TMCO6: variants seen among roughly 807,000 people sequenced by gnomAD.
TMCO6 encodes the protein transmembrane and coiled-coil domain-containing protein 6.
In TMCO6, 47 loss-of-function variants were observed where a neutral mutation model predicts 61.8. That is an observed-to-expected ratio of 0.76 (90% CI 0.60 to 0.97). TMCO6 has a LOEUF of 0.97. TMCO6 is among the 50% of genes least tolerant of loss of function. The pLI is 0.00. For synonymous variants in TMCO6, 261 were observed against 254.2 expected (o/e 1.03, Z -0.25); for missense variants, 557 against 601.6 (o/e 0.93, Z 0.78).
intron 10 of TMCO6, among the ~76,000 whole-genome samples, 182 bp from the exon 11 acceptor site, chr5:140,644,391 A>G (rs1757257690): frequency 6.6e-6 from 1 of 152,232 alleles, no homozygotes; most frequent in Non-Finnish European, 1.5e-5. Flanking sequence ...CTTAAGCTTC[A>G]GTCTCCTCAC....
chr5:140,646,959 T>C (rs1757438526), downstream of TMCO6: 1 of 314,796 alleles, frequency 3.2e-6, no homozygotes, highest in Non-Finnish European at 5.9e-6. Context: ...ACACGTTATT[T>C]GGAGAAACTA....
the TMCO6 span, among the ~76,000 whole-genome samples, chr5:140,622,930 C>CTGGT: frequency 6.6e-6 from 1 of 152,068 alleles, no homozygotes; most frequent in Non-Finnish European, 1.5e-5. Context: ...GTTGCCCAGG[C>CTGGT]TGGTCTCGAA....
upstream of TMCO6, among the ~76,000 whole-genome samples, chr5:140,638,067 C>G (rs1756818517): frequency 6.6e-6 from 1 of 151,888 alleles, no homozygotes; most frequent in Non-Finnish European, 1.5e-5. Context: ...AACACTCGAA[C>G]AAAGGATTAT....
the TMCO6 span, among the ~76,000 whole-genome samples, chr5:140,599,078 G>A: frequency 2.0e-5 from 3 of 152,152 alleles, no homozygotes; most frequent in Admixed American, 6.5e-5. Context: ...TGTGCCCCAG[G>A]GCCACCTGCA....
chr5:140,633,347 T>C, the TMCO6 span: 2 of 577,754 alleles, frequency 3.5e-6, no homozygotes, highest in East Asian at 3.0e-5. Context: ...ACAGGAAGGA[T>C]TCTGCAGGGC....
the TMCO6 span, chr5:140,631,701 A>G: frequency 5.4e-5 from 38 of 710,160 alleles, no homozygotes; most frequent in Non-Finnish European, 8.6e-5. Context: ...CAGACATCCA[A>G]TAAAGGTCTG....
chr5:140,641,834 A>G lies in TMCO6; in HGVS notation c.315-36A>G, dbSNP rs148056475. 3,660 of 1,614,150 alleles carry G rather than the reference A, an allele frequency of 2.3e-3. 15 individuals are homozygous for G. Among genetic ancestry groups the G allele is most frequent in the Middle Eastern group, 0.011 (65 of 6,060 alleles). On this transcript the variant is annotated intron_variant, in intron 3 of 11. Coordinates refer to ENST00000394671, the MANE Select transcript of TMCO6 (RefSeq NM_018502.5). ...GAGTTGGGGCTCTGAGGGATGGACC[A>G]CAAGCTAAGCAGGGCTCTGGTACTC...
chr5:140,607,804 T>TTG, the TMCO6 span, among the ~76,000 whole-genome samples: 10 of 151,352 alleles, frequency 6.6e-5, no homozygotes, highest in Non-Finnish European at 1.5e-4. Context: ...TTTTTTTTTT[T>TTG]TCTGAGACAG....
In TMCO6 at chr5:140,643,660, T is replaced by C. The variant is rs370006867; in HGVS notation, c.903T>C (p.Asp301=). 1.2e-6 allele frequency: 2 copies of C among 1,613,064 alleles called. No individual in the cohort carries two copies. Among genetic ancestry groups the C allele is most frequent in the East Asian group, 2.2e-5 (1 of 44,874 alleles). Residue 301 remains aspartate, a synonymous_variant, in exon 8 of 12, where the codon GAT becomes GAC. Coordinates refer to ENST00000394671, the MANE Select transcript of TMCO6 (RefSeq NM_018502.5). ...DLAGAVQKTE[D]AGLELLACPV... ...CTGGGGCTGTCCAGAAAACCGAGGATGCAGGACTGGAGCTGGTAGGTGAAG... is the reference window on the plus strand; with the variant it reads ...CTGGGGCTGTCCAGAAAACCGAGGACGCAGGACTGGAGCTGGTAGGTGAAG...
chr5:140,644,524 T>G (rs894512912), intron 10 of TMCO6, 49 bp from the exon 11 acceptor site: 100 of 1,595,200 alleles, frequency 6.3e-5, no homozygotes, highest in Middle Eastern at 3.4e-4. Context: ...GCTATTGTTA[T>G]GATCTTTGTG....
At chr5:140,633,196 A>G in the TMCO6 span, 1 of 1,206,986 alleles carries the variant, frequency 8.3e-7, no homozygotes, top group Non-Finnish European at 1.2e-6. Context: ...GCTGCCTCTG[A>G]CAGTTTATGT....
At chr5:140,620,711 G>T in the TMCO6 span, among the ~76,000 whole-genome samples, 2 of 152,146 alleles carry the variant, frequency 1.3e-5, no homozygotes, top group Non-Finnish European at 2.9e-5. Context: ...GTCTTAATGG[G>T]TGTATGTGTG....
the TMCO6 span, among the ~76,000 whole-genome samples, chr5:140,615,503 A>G: frequency 6.6e-6 from 1 of 152,208 alleles, no homozygotes; most frequent in South Asian, 2.1e-4. Context: ...GGGAAAAAAA[A>G]GAACCAAGTT....
chr5:140,610,186 TAAAAAA>T, the TMCO6 span, among the ~76,000 whole-genome samples: 1 of 70,728 alleles, frequency 1.4e-5, no homozygotes, highest in Non-Finnish European at 2.6e-5. Context: ...CCATTTCTAC[TAAAAAA>T]AAAAAAAAAA....
chr5:140,607,205 C>T, the TMCO6 span, among the ~76,000 whole-genome samples: 1 of 152,144 alleles, frequency 6.6e-6, no homozygotes, highest in African/African-American at 2.4e-5. Context: ...TGTCTCCTCT[C>T]CCTCTAGAAC....
At chr5:140,627,657 T>A in the TMCO6 span, among the ~76,000 whole-genome samples, 1 of 152,164 alleles carries the variant, frequency 6.6e-6, no homozygotes, top group African/African-American at 2.4e-5. Context: ...ACACAACATA[T>A]GTAAATAGAC....
chr5:140,602,847 C>T, the TMCO6 span, among the ~76,000 whole-genome samples: 2 of 151,894 alleles, frequency 1.3e-5, no homozygotes, highest in African/African-American at 4.8e-5. Context: ...TGGTGGCTCA[C>T]GCCTGTAATC....
the TMCO6 span, among the ~76,000 whole-genome samples, chr5:140,604,489 T>C: frequency 6.6e-6 from 1 of 151,948 alleles, no homozygotes; most frequent in African/African-American, 2.4e-5. Flanking sequence ...TTATCAGATA[T>C]ATAATTTTCA....
At chr5:140,603,566 C>G in the TMCO6 span, among the ~76,000 whole-genome samples, 1 of 152,128 alleles carries the variant, frequency 6.6e-6, no homozygotes, top group Non-Finnish European at 1.5e-5. Context: ...CCTCGGCCTC[C>G]GAAAGTGCTG....
Sources: gnomAD v4.1 joint callset for allele counts (sites outside exome capture counted in the v4.1 genomes callset) on GRCh38, gnomAD v4.1.1 for gene constraint, MANE v1.5 for transcripts, NCBI Gene and HGNC (gene_info 2026-07-23, HGNC 2026-07-21) for gene names.